NPLOC4: variants seen among roughly 807,000 people sequenced by gnomAD.
NPLOC4 encodes NPL4 homolog, ubiquitin recognition factor.
Under a neutral mutation model 80.6 loss-of-function variants are expected in NPLOC4, and 18 were observed. The observed-to-expected ratio is 0.22, with a 90% CI of 0.15 to 0.33. NPLOC4 has a LOEUF of 0.33. Ranked by LOEUF, NPLOC4 falls within the 10% of genes least tolerant of loss-of-function variation. The pLI is 1.00. For missense variants in NPLOC4, 540 were observed against 786.1 expected (o/e 0.69, Z 3.74); for synonymous variants, 313 against 301.5 (o/e 1.04, Z -0.39).
At chr17:81,588,893 G>A in intron 12 of NPLOC4, 51 bp downstream of exon 12, 2 of 1,542,394 alleles carry the variant, frequency 1.3e-6, no homozygotes, top group South Asian at 2.4e-5. Flanking sequence ...GTCCAAGACA[G>A]GTTCACACCA....
intron 12 of NPLOC4, among the ~76,000 whole-genome samples, chr17:81,588,617 G>A (rs1470857300): frequency 6.6e-6 from 1 of 152,172 alleles, no homozygotes; most frequent in Non-Finnish European, 1.5e-5. Flanking sequence ...CAAAATGCTG[G>A]GATTACAGGC....
intron 11 of NPLOC4, among the ~76,000 whole-genome samples, chr17:81,595,365 C>A (rs534581192): frequency 1.4e-4 from 21 of 146,220 alleles, no homozygotes; most frequent in South Asian, 6.5e-4. Flanking sequence ...ACCCAGGAGG[C>A]GGACGTTGCA....
At chr17:81,591,967 T>C (rs971421706) in intron 11 of NPLOC4, among the ~76,000 whole-genome samples, 7 of 152,206 alleles carry the variant, frequency 4.6e-5, no homozygotes, top group South Asian at 2.1e-4. Flanking sequence ...AGTTCTACAC[T>C]GCACTGTCCT....
chr17:81,592,123 C>T (rs556234258), intron 11 of NPLOC4, among the ~76,000 whole-genome samples: 5 of 152,298 alleles, frequency 3.3e-5, no homozygotes, highest in Admixed American at 1.3e-4. Context: ...GCGAGGCCTC[C>T]GCATCCCAGC....
chr17:81,600,010 G>T (rs75634705), intron 9 of NPLOC4, among the ~76,000 whole-genome samples: 3,563 of 152,198 alleles, frequency 0.023, 136 homozygotes, highest in African/African-American at 0.081. Context: ...AGCCAGCAGG[G>T]GTGCGGCTGG....
intron 3 of NPLOC4, among the ~76,000 whole-genome samples, chr17:81,617,973 G>C (rs1404386221): frequency 1.3e-5 from 2 of 152,200 alleles, no homozygotes; most frequent in African/African-American, 4.8e-5. Flanking sequence ...ATGGTGCCCA[G>C]GCTGGAGTGC....
chr17:81,597,853 C>T lies in NPLOC4; in HGVS notation c.922-537G>A, dbSNP rs534031973. Among the ~76,000 whole-genome samples the T allele has an allele frequency of 2.2e-3, 328 of 150,376 alleles. 5 individuals are homozygous for T. The highest frequency in any genetic ancestry group is 7.5e-3 in the African/African-American group (309 of 40,930). ...GCTCACGCCTGTAATTCCAACACTTCGGGAGGCCAAGACGGTGGATCACGA... is the reference window on the plus strand; with the variant it reads ...GCTCACGCCTGTAATTCCAACACTTTGGGAGGCCAAGACGGTGGATCACGA... On this transcript the variant is annotated intron_variant, in intron 9 of 16. Transcript: ENST00000331134.
intron 6 of NPLOC4, 86 bp downstream of exon 6, chr17:81,608,642 A>G (rs2035265228): frequency 4.3e-6 from 4 of 921,700 alleles, no homozygotes; most frequent in Non-Finnish European, 7.0e-6. Flanking sequence ...TACTTCTCTC[A>G]TTCACACGTT....
intron 1 of NPLOC4, among the ~76,000 whole-genome samples, chr17:81,631,563 C>T (rs943046806): frequency 6.6e-6 from 1 of 150,766 alleles, no homozygotes. Context: ...TGAAAGCCAT[C>T]GTGAAGGTGA....
rs751782727 is a variant in NPLOC4, at chr17:81,564,109, C to CACACACACAG, written c.1669+1395_1669+1396insCTGTGTGTGT. ...ACACACACACACACACACACACACA[C>CACACACACAG]ACACACACAAAGAGCAGGGCGGGCT... is the stretch of plus-strand genomic sequence containing the variant. On this transcript the variant is annotated intron_variant, in intron 16 of 16. Coordinates refer to ENST00000331134, the MANE Select transcript of NPLOC4 (RefSeq NM_017921.4). The CACACACACAG allele has an allele frequency of 8.1e-3, 2,720 of 334,834 alleles. 13 individuals carry two copies. Among genetic ancestry groups the CACACACACAG allele is most frequent in the Middle Eastern group, 0.016 (15 of 928 alleles). The allele number at this position is 334,834 out of a possible 1,614,324, so 20.7% of individuals were successfully genotyped here. A position where few individuals can be genotyped will look rare whatever the true frequency, so the allele number is the denominator to read the frequency against.
At chr17:81,589,205 T>G in intron 11 of NPLOC4, 101 bp from the exon 12 acceptor site, 1 of 1,080,974 alleles carries the variant, frequency 9.3e-7, no homozygotes, top group Non-Finnish European at 1.3e-6. Context: ...AAACAAACCC[T>G]CAAGAGTTTG....
At chr17:81,590,295 A>AC (rs1408865233) in intron 11 of NPLOC4, among the ~76,000 whole-genome samples, 1 of 152,116 alleles carries the variant, frequency 6.6e-6, no homozygotes, top group African/African-American at 2.4e-5. Flanking sequence ...AAGCCTCCAG[A>AC]ATGACTTCAT....
chr17:81,636,657 G>C (rs770771861), intron 1 of NPLOC4, among the ~76,000 whole-genome samples: 1 of 152,164 alleles, frequency 6.6e-6, no homozygotes, highest in African/African-American at 2.4e-5. Context: ...CATTCTCCCT[G>C]CTTAGAAAGG....
At chr17:81,632,770 G>A (rs549378552) in intron 1 of NPLOC4, among the ~76,000 whole-genome samples, 1 of 152,228 alleles carries the variant, frequency 6.6e-6, no homozygotes, top group South Asian at 2.1e-4. Context: ...ACACCATAAA[G>A]GCTCAGTCTA....
chr17:81,598,779 C>A (rs2034989046), intron 9 of NPLOC4, among the ~76,000 whole-genome samples: 1 of 152,180 alleles, frequency 6.6e-6, no homozygotes, highest in African/African-American at 2.4e-5. Context: ...GGATCTGCGG[C>A]CCATGACCCT....
At chr17:81,589,531 CA>C (rs567322005) in intron 11 of NPLOC4, among the ~76,000 whole-genome samples, 19,312 of 122,358 alleles carry the variant, frequency 0.16, 1,468 homozygotes, top group Admixed American at 0.25. Context: ...GACTCCATCT[CA>C]AAAAAAAAAA....
At chr17:81,635,582 T>TC (rs1407218576) in intron 1 of NPLOC4, among the ~76,000 whole-genome samples, 1 of 151,958 alleles carries the variant, frequency 6.6e-6, no homozygotes, top group Admixed American at 6.6e-5. Context: ...CAGGGTGGAG[T>TC]CCAGTGACGC....
chr17:81,630,700 G>A (rs189102714), intron 1 of NPLOC4, among the ~76,000 whole-genome samples: 13 of 152,206 alleles, frequency 8.5e-5, no homozygotes, highest in Admixed American at 3.9e-4. Context: ...GCAACATGGG[G>A]AAACCCCATC....
chr17:81,606,546 T>C, intron 7 of NPLOC4, 145 bp downstream of exon 7: 1 of 844,938 alleles, frequency 1.2e-6, no homozygotes, highest in South Asian at 1.9e-5. Context: ...GTGTACCACT[T>C]CCACAAAAGG....
Sources: allele counts gnomAD v4.1 joint callset (sites outside exome capture counted in the v4.1 genomes callset), GRCh38; gene constraint gnomAD v4.1.1; transcripts MANE v1.5; gene names NCBI Gene and HGNC (gene_info 2026-07-23, HGNC 2026-07-21).